Variants in TPD52L1 observed in about 807,000 individuals in gnomAD.
TPD52L1 encodes the protein TPD52 like 1, also known as tumor protein D53.
Under a neutral mutation model 28.7 loss-of-function variants are expected in TPD52L1, and 18 were observed. The ratio of observed to expected loss-of-function variants is 0.63; its 90% CI spans 0.43 to 0.93. TPD52L1 has a LOEUF of 0.93. Ranked by LOEUF, TPD52L1 falls within the 40% of genes least tolerant of loss-of-function variation. TPD52L1 has a pLI of 0.00. For synonymous variants in TPD52L1, 75 were observed against 88.8 expected (o/e 0.84, Z 0.88); for missense variants, 203 against 254.8 (o/e 0.80, Z 1.39).
chr6:125,181,260 A>G (rs1792176047), intron 1 of TPD52L1, among the ~76,000 whole-genome samples: 3 of 152,346 alleles, frequency 2.0e-5, no homozygotes, highest in South Asian at 4.1e-4. Flanking sequence ...ATCAAAATTC[A>G]GGATGACTAA....
chr6:125,244,453 C>T (rs1411508116), intron 3 of TPD52L1, among the ~76,000 whole-genome samples: 1 of 152,182 alleles, frequency 6.6e-6, no homozygotes, highest in Non-Finnish European at 1.5e-5. Context: ...CCTCAGCTCT[C>T]CTGCCAGGTC....
chr6:125,197,743 A>G (rs1272656439), intron 1 of TPD52L1, among the ~76,000 whole-genome samples: 1 of 152,176 alleles, frequency 6.6e-6, no homozygotes. Flanking sequence ...GCCCCATCCA[A>G]TTTTCAGAGT....
At chr6:125,165,092 A>ATTTATT (rs1554201241) in intron 1 of TPD52L1, among the ~76,000 whole-genome samples, 1 of 104,194 alleles carries the variant, frequency 9.6e-6, no homozygotes, top group African/African-American at 6.1e-5. Flanking sequence ...AAAGATATAT[A>ATTTATT]TATATATTTT....
rs1789966501 is a variant in TPD52L1, at chr6:125,154,309, G to A, written c.19+339G>A. ...GGACCTGTTGTGCCGGGTCCGGAAA[G>A]CGTGTTTCGCTCCCTTTCCCTTGAG... On this transcript the variant is annotated intron_variant, in intron 1 of 6. Coordinates refer to ENST00000534000, the MANE Select transcript of TPD52L1 (RefSeq NM_003287.4). The A allele has an allele frequency of 8.0e-6, 9 of 1,130,688 alleles. No individual in the cohort carries two copies. The South Asian group carries it at 3.2e-4, about 40-fold the overall frequency. 70.0% of individuals were successfully genotyped at this position (1,130,688 alleles called of 1,614,324 possible). A position where few individuals can be genotyped will look rare whatever the true frequency, so the allele number is the denominator to read the frequency against.
chr6:125,180,959 G>A (rs1792154404), intron 1 of TPD52L1, among the ~76,000 whole-genome samples: 1 of 151,894 alleles, frequency 6.6e-6, no homozygotes, highest in African/African-American at 2.4e-5. Context: ...TGGCATGAAG[G>A]AGGCTGGTGT....
chr6:125,228,838 A>G (rs1271507264), intron 2 of TPD52L1, among the ~76,000 whole-genome samples: 1 of 152,196 alleles, frequency 6.6e-6, no homozygotes, highest in Non-Finnish European at 1.5e-5. Flanking sequence ...TCCTAGCAGG[A>G]TACAGGTGAT....
At chr6:125,220,572 G>A (rs548140595) in intron 2 of TPD52L1, among the ~76,000 whole-genome samples, 2 of 152,132 alleles carry the variant, frequency 1.3e-5, no homozygotes, top group African/African-American at 4.8e-5. Context: ...TCTGGTTTTA[G>A]GTCAGCAACT....
chr6:125,255,443 A>C (rs1044454088), intron 5 of TPD52L1, among the ~76,000 whole-genome samples: 6 of 152,168 alleles, frequency 3.9e-5, no homozygotes, highest in African/African-American at 1.2e-4. Context: ...AGCATTACGG[A>C]GGATCACTCA....
chr6:125,254,961 C>T lies in TPD52L1; in HGVS notation c.425+1206C>T, dbSNP rs117474111. Among the ~76,000 whole-genome samples the T allele has an allele frequency of 9.9e-4, 150 of 152,264 alleles. 1 individual carries two copies. The East Asian group carries it at 0.015, about 15-fold the overall frequency. On this transcript the variant is annotated intron_variant, in intron 5 of 6. Coordinates refer to ENST00000534000, the MANE Select transcript of TPD52L1 (RefSeq NM_003287.4). ...TAATTGGTTGATTTGGAAATTCACC[C>T]TCAGTATTTAGTTCTCTGTATTTGG...
intron 3 of TPD52L1, among the ~76,000 whole-genome samples, chr6:125,234,802 G>A (rs930970546): frequency 6.6e-6 from 1 of 152,052 alleles, no homozygotes; most frequent in Non-Finnish European, 1.5e-5. Context: ...GGAGTAAAAT[G>A]CAATACATCA....
At position 125,172,137 on chromosome 6, in the gene TPD52L1, TTTCTTTCTTTCTTTCTTTCTTTTC is replaced by T. The variant is rs1562210919; in HGVS notation, c.19+18170_19+18193del. 6.4e-3 allele frequency among the ~76,000 whole-genome samples: 494 copies of T among 77,684 alleles called. 2 individuals carry two copies. The highest frequency in any genetic ancestry group is 0.018 in the African/African-American group (277 of 15,356). The allele number at this position is 77,684 out of a possible 152,430, so 51.0% of individuals were successfully genotyped here. A position where few individuals can be genotyped will look rare whatever the true frequency, so the allele number is the denominator to read the frequency against. On this transcript the variant is annotated intron_variant, in intron 1 of 6. Coordinates refer to ENST00000534000, the MANE Select transcript of TPD52L1 (RefSeq NM_003287.4). ...CTTTCTTTCTTTCTTTCTTTCTTTC[TTTCTTTCTTTCTTTCTTTCTTTTC>T]TTTCTTTCTTTCTTTCTTTCTTTCT...
At chr6:125,257,397 C>T (rs532066776) in intron 6 of TPD52L1, among the ~76,000 whole-genome samples, 1 of 152,224 alleles carries the variant, frequency 6.6e-6, no homozygotes, top group African/African-American at 2.4e-5. Flanking sequence ...TTGGGGTATG[C>T]GTTTACCACT....
In TPD52L1 at chr6:125,215,694, A is replaced by G. The variant is rs117155532; in HGVS notation, c.20-4384A>G. On this transcript the variant is annotated intron_variant, in intron 1 of 6. Coordinates refer to ENST00000534000, the MANE Select transcript of TPD52L1 (RefSeq NM_003287.4). ...GTAAGGTTTATGCGCTCCCCCTCTG[A>G]AAAGTGGAAGCTACCGGCTGGGTAC... 1.1e-3 allele frequency among the ~76,000 whole-genome samples: 173 copies of G among 152,286 alleles called. 1 individual carries two copies. In the East Asian group the frequency reaches 0.022, roughly 20 times the overall value.
rs558633889 is a variant in TPD52L1, at chr6:125,200,617, T to G, written c.20-19461T>G. ...ACATTAACAATTTGGTACATATCCT[T>G]TCTCAACTTTCTCAATGCTCATACA... On this transcript the variant is annotated intron_variant, in intron 1 of 6. Coordinates refer to ENST00000534000, the MANE Select transcript of TPD52L1 (RefSeq NM_003287.4). 3.9e-5 allele frequency among the ~76,000 whole-genome samples: 6 copies of G among 152,346 alleles called. No individual in the cohort carries two copies. In the East Asian group the frequency reaches 9.6e-4, roughly 24 times the overall value.
At chr6:125,170,033 G>C (rs1030077240) in intron 1 of TPD52L1, among the ~76,000 whole-genome samples, 1 of 151,968 alleles carries the variant, frequency 6.6e-6, no homozygotes, top group Non-Finnish European at 1.5e-5. Context: ...ACTTTCTTTG[G>C]TTTTTTACCT....
intron 2 of TPD52L1, among the ~76,000 whole-genome samples, chr6:125,224,025 C>G (rs9491332): frequency 0.15 from 22,289 of 151,758 alleles, 2,016 homozygotes; most frequent in East Asian, 0.29. Context: ...GGTCTTATTA[C>G]CAGACACCTT....
chr6:125,220,048 T>G (rs1432320543), intron 1 of TPD52L1, 30 bp from the exon 2 acceptor site: 8 of 1,509,732 alleles, frequency 5.3e-6, no homozygotes, highest in Non-Finnish European at 7.4e-6. Context: ...CTTTAAAAAT[T>G]GCCTTCTGTT....
At chr6:125,156,275 GA>G (rs2114722386) in intron 1 of TPD52L1, among the ~76,000 whole-genome samples, 1 of 152,112 alleles carries the variant, frequency 6.6e-6, no homozygotes, top group East Asian at 1.9e-4. Flanking sequence ...GACCAGCCTG[GA>G]CAACATAGAG....
intron 3 of TPD52L1, among the ~76,000 whole-genome samples, chr6:125,244,311 C>A (rs1339877433): frequency 2.0e-5 from 3 of 152,130 alleles, no homozygotes; most frequent in African/African-American, 2.4e-5. Context: ...TGGTTAGGCA[C>A]TGGTTGTGGC....
Sources: gnomAD v4.1 joint callset for allele counts (sites outside exome capture counted in the v4.1 genomes callset) on GRCh38, gnomAD v4.1.1 for gene constraint, MANE v1.5 for transcripts, NCBI Gene and HGNC (gene_info 2026-07-23, HGNC 2026-07-21) for gene names.